KIF1A: variants seen among roughly 807,000 people sequenced by gnomAD.
KIF1A encodes the protein kinesin family member 1A.
A neutral mutation model predicts 227.3 loss-of-function variants in KIF1A; 46 were observed. The ratio of observed to expected loss-of-function variants is 0.20; its 90% CI spans 0.16 to 0.26. KIF1A has a LOEUF of 0.26. KIF1A is among the 10% of genes least tolerant of loss of function. The pLI is 1.00. For synonymous variants in KIF1A, 1,022 were observed against 1,012.8 expected (o/e 1.01, Z -0.17); for missense variants, 1,683 against 2,485.9 (o/e 0.68, Z 6.87).
rs1240998571 is a variant in KIF1A at position 240,775,977 on chromosome 2, C to T, written c.883-51G>A. 9.2e-6 allele frequency: 12 copies of T among 1,299,160 alleles called. No individual in the cohort carries two copies. The highest frequency in any genetic ancestry group is 2.3e-5 in the East Asian group (1 of 43,220). The allele number at this position is 1,299,160 out of a possible 1,614,324, so 80.5% of individuals were successfully genotyped here. A position where few individuals can be genotyped will look rare whatever the true frequency, so the allele number is the denominator to read the frequency against. On this transcript the variant is annotated intron_variant, in intron 10 of 48. Coordinates refer to ENST00000498729, the MANE Select transcript of KIF1A (RefSeq NM_001244008.2). The surrounding 1 kb of genome is among the most constrained non-coding windows in gnomAD (Gnocchi z 5.5). ...AAGCCCGAGCCCACTGCAGAGGAAG[C>T]GAAAGGGAGGGGCCAGCGCAGGCCC...
At chr2:240,807,071 C>CAT (rs144429410) in intron 1 of KIF1A, among the ~76,000 whole-genome samples, 3,374 of 115,428 alleles carry the variant, frequency 0.029, 75 homozygotes, top group African/African-American at 0.08. Context: ...TACACATCCT[C>CAT]ATATATATGT....
chr2:240,757,408 GTCCTCCTCCTCCTCATCCTCC>G lies in KIF1A; in HGVS notation c.2748_2768del (p.Glu916_Glu922del), dbSNP rs1559503589. 3 of 1,533,002 alleles carry G rather than the reference GTCCTCCTCCTCCTCATCCTCC, an allele frequency of 2.0e-6. No individual in the cohort carries two copies. Among genetic ancestry groups the G allele is most frequent in the Admixed American group, 4.0e-5 (2 of 49,570 alleles). 95.0% of individuals were successfully genotyped at this position (1,533,002 alleles called of 1,614,324 possible). A position where few individuals can be genotyped will look rare whatever the true frequency, so the allele number is the denominator to read the frequency against. On this transcript the variant is annotated inframe_deletion, in exon 27 of 49. Coordinates refer to ENST00000498729, the MANE Select transcript of KIF1A (RefSeq NM_001244008.2). This position sits in a 1 kb window ranked among gnomAD's most constrained non-coding sequence, Gnocchi z 6.2. The stretch of plus-strand genomic sequence containing the variant: ...GCTCCGGAAAGACGTCGTCCTCCAG[GTCCTCCTCCTCCTCATCCTCC>G]TCCTCCTCCTCCTCCTCCTCCTCCT...
chr2:240,779,913 G>T (rs543020420), intron 10 of KIF1A, among the ~76,000 whole-genome samples: 2 of 151,628 alleles, frequency 1.3e-5, no homozygotes, highest in Non-Finnish European at 2.9e-5. Flanking sequence ...GCCTCCCCAC[G>T]CCCCACGGTG....
chr2:240,745,928 A>G lies in KIF1A; in HGVS notation c.3203-19T>C, dbSNP rs2048542830. The G allele has an allele frequency of 6.3e-7, 1 of 1,595,982 alleles. No individual in the cohort carries two copies. The highest frequency in any genetic ancestry group is 8.5e-7 in the Non-Finnish European group (1 of 1,169,748). On this transcript the variant is annotated intron_variant, in intron 30 of 48. Transcript: ENST00000498729. ...GGCACTGCTGCTGGGAGTCAAGGAGAGAGTCATGGACCTCCAGGCCATATT... is the reference window on the plus strand; with the variant it reads ...GGCACTGCTGCTGGGAGTCAAGGAGGGAGTCATGGACCTCCAGGCCATATT...
chr2:240,801,260 C>T (rs552254094), intron 1 of KIF1A, among the ~76,000 whole-genome samples: 5 of 149,956 alleles, frequency 3.3e-5, no homozygotes, highest in Non-Finnish European at 7.4e-5. Context: ...GCAAAAAGGA[C>T]AGAGAATATA....
intron 27 of KIF1A, among the ~76,000 whole-genome samples, chr2:240,754,523 C>A (rs1310502658): frequency 2.0e-5 from 3 of 152,226 alleles, no homozygotes; most frequent in African/African-American, 7.2e-5. Context: ...AGAGCCCATG[C>A]CAACCAATGC....
chr2:240,757,399 G>A lies in KIF1A; in HGVS notation c.2778C>T (p.Asp926=), dbSNP rs1455627618. The A allele has an allele frequency of 1.1e-5, 17 of 1,546,828 alleles. No homozygotes were observed. The highest frequency in any genetic ancestry group is 1.5e-5 in the Non-Finnish European group (17 of 1,146,466). ...EEDEEEEDLE[D]DVFPEHALCD... is the part of the protein sequence containing the mutation. ...ACAGCGCGTGCTCCGGAAAGACGTCGTCCTCCAGGTCCTCCTCCTCCTCAT... is the reference window on the plus strand; with the variant it reads ...ACAGCGCGTGCTCCGGAAAGACGTCATCCTCCAGGTCCTCCTCCTCCTCAT... Residue 926 remains aspartate (D), a synonymous_variant, in exon 27 of 49, where the codon GAC becomes GAT. Coordinates refer to ENST00000498729, the MANE Select transcript of KIF1A (RefSeq NM_001244008.2). This position sits in a 1 kb window ranked among gnomAD's most constrained non-coding sequence, Gnocchi z 6.2.
In KIF1A at chr2:240,778,168, C is replaced by T. The variant is rs564376660; in HGVS notation, c.883-2242G>A. ...CAGGAAAACGGCAGTCACTCGAATGCGGACCCCACCCACGGGATGGCTGCC... is the reference window on the plus strand; with the variant it reads ...CAGGAAAACGGCAGTCACTCGAATGTGGACCCCACCCACGGGATGGCTGCC... On this transcript the variant is annotated intron_variant, in intron 10 of 48. Transcript: ENST00000498729. This position sits in a 1 kb window ranked among gnomAD's most constrained non-coding sequence, Gnocchi z 7.2. 3.9e-5 allele frequency among the ~76,000 whole-genome samples: 6 copies of T among 152,216 alleles called. No homozygotes were observed. In the South Asian group the frequency reaches 8.3e-4, roughly 21 times the overall value.
intron 18 of KIF1A, 68 bp from the exon 19 acceptor site, chr2:240,767,089 C>T: frequency 1.5e-6 from 2 of 1,295,948 alleles, no homozygotes; most frequent in South Asian, 1.3e-5. Flanking sequence ...ACCCACTGGC[C>T]TCCAGGGACG....
In KIF1A at chr2:240,739,043, T is replaced by C. The variant is rs140960986; in HGVS notation, c.3901+1015A>G. Reference sequence around the variant, plus strand: ...CTGAAAGGAGGGTTTGGGTGCTTGTTCCATGACTTTCTGATTCATGTGAAA... The same window carrying C: ...CTGAAAGGAGGGTTTGGGTGCTTGTCCCATGACTTTCTGATTCATGTGAAA... On this transcript the variant is annotated intron_variant, in intron 37 of 48. Transcript: ENST00000498729. This position sits in a 1 kb window ranked among gnomAD's most constrained non-coding sequence, Gnocchi z 5.6. Among the ~76,000 whole-genome samples the C allele has an allele frequency of 5.0e-4, 76 of 152,380 alleles. No homozygotes were observed. The highest frequency in any genetic ancestry group is 1.8e-3 in the African/African-American group (73 of 41,586).
intron 29 of KIF1A, 80 bp from the exon 30 acceptor site, chr2:240,746,257 G>A (rs1031753647): frequency 3.5e-5 from 53 of 1,497,808 alleles, no homozygotes; most frequent in South Asian, 7.4e-5. Context: ...ACAGGCCCAC[G>A]GGAGGGCTGT....
intron 38 of KIF1A, among the ~76,000 whole-genome samples, chr2:240,735,686 G>A (rs918085706): frequency 5.9e-5 from 9 of 152,082 alleles, no homozygotes; most frequent in African/African-American, 1.9e-4. Flanking sequence ...TGCAGGCAGC[G>A]CCCGTGCTGG....
chr2:240,812,408 C>G (rs569257421), intron 1 of KIF1A, among the ~76,000 whole-genome samples: 24 of 152,350 alleles, frequency 1.6e-4, no homozygotes, highest in African/African-American at 4.8e-4. Flanking sequence ...TGCTGCAGAG[C>G]ATCGCACAGG....
At position 240,726,666 on chromosome 2, in the gene KIF1A, A is replaced by AGTTTTT. The variant is rs1028766168; in HGVS notation, c.4122+154_4122+159dup. On this transcript the variant is annotated intron_variant, in intron 39 of 48. Coordinates refer to ENST00000498729, the MANE Select transcript of KIF1A (RefSeq NM_001244008.2). The surrounding 1 kb of genome is among the most constrained non-coding windows in gnomAD (Gnocchi z 5.2). Reference sequence around the variant, plus strand: ...ATTTATGGATTCAACCTTGCAGTCCAGTTTTTGTTTTTGTTTTTTAAAAGG... The same window carrying AGTTTTT: ...ATTTATGGATTCAACCTTGCAGTCCAGTTTTTGTTTTTGTTTTTGTTTTTTAAAAGG... Among the ~76,000 whole-genome samples, 2 of 152,120 alleles carry AGTTTTT rather than the reference A, an allele frequency of 1.3e-5. No individual in the cohort carries two copies. Among genetic ancestry groups the AGTTTTT allele is most frequent in the Non-Finnish European group, 2.9e-5 (2 of 68,010 alleles).
rs1272474611 is a variant in KIF1A, at chr2:240,772,550, G to A, written c.1207+20C>T. ...GGGGCTGGAAGCAGAGATGCAGAGA[G>A]CAGCAAAGGGAATACACACATTTGG... is the stretch of plus-strand genomic sequence containing the variant. On this transcript the variant is annotated intron_variant, in intron 14 of 48. Coordinates refer to ENST00000498729, the MANE Select transcript of KIF1A (RefSeq NM_001244008.2). 1.3e-6 allele frequency: 2 copies of A among 1,546,786 alleles called. No homozygotes were observed. Among genetic ancestry groups the A allele is most frequent in the East Asian group, 4.9e-5 (2 of 40,896 alleles).
In KIF1A at chr2:240,788,053, G is replaced by T. The variant is rs1318848388; in HGVS notation, c.361C>A (p.Gln121Lys). The change falls in exon 4 of 49, where the codon CAG becomes AAG. Residue 121 changes from glutamine to lysine, a missense_variant and splice_region_variant. This residue lies in a region of KIF1A where 75 missense variants were observed against 131.2 expected (regional missense o/e 0.57). Coordinates refer to ENST00000498729, the MANE Select transcript of KIF1A (RefSeq NM_001244008.2). The surrounding 1 kb of genome is among the most constrained non-coding windows in gnomAD (Gnocchi z 6.6). ...CCCGCCCGCCCCCCGCTTCGTGCCT[G>T]TGGGATGATGCCCTGCTGGTCCTTC... The part of the protein sequence containing the change: ...QEKDQQGIIP[Q>K]LCEDLFSRIN... 1.3e-6 allele frequency: 2 copies of T among 1,553,000 alleles called. No homozygotes were observed. Among genetic ancestry groups the T allele is most frequent in the East Asian group, 2.4e-5 (1 of 41,684 alleles).
chr2:240,780,806 A>ACACACACACACACACACACAGCTC (rs1559522449), intron 10 of KIF1A, among the ~76,000 whole-genome samples: 6 of 87,082 alleles, frequency 6.9e-5, no homozygotes, highest in African/African-American at 1.5e-4. Context: ...CTCCACACAC[A>ACACACACACACACACACACAGCTC]CACACACACA....
intron 1 of KIF1A, among the ~76,000 whole-genome samples, chr2:240,814,307 G>T (rs186983510): frequency 2.7e-3 from 408 of 152,130 alleles, no homozygotes; most frequent in African/African-American, 9.1e-3. Context: ...AAGACGAGTT[G>T]CCAACAAAGC....
In KIF1A at chr2:240,757,677, G is replaced by A. The variant is rs1322875746; in HGVS notation, c.2583-83C>T. The A allele has an allele frequency of 2.8e-6, 4 of 1,426,406 alleles. No individual in the cohort carries two copies. Among genetic ancestry groups the A allele is most frequent in the South Asian group, 1.4e-5 (1 of 71,724 alleles). 88.4% of individuals were successfully genotyped at this position (1,426,406 alleles called of 1,614,324 possible). A position where few individuals can be genotyped will look rare whatever the true frequency, so the allele number is the denominator to read the frequency against. On this transcript the variant is annotated intron_variant, in intron 26 of 48. Coordinates refer to ENST00000498729, the MANE Select transcript of KIF1A (RefSeq NM_001244008.2). The surrounding 1 kb of genome is among the most constrained non-coding windows in gnomAD (Gnocchi z 6.2). ...CAGGGGCCGGGGCCGGGGCTGGGGG[G>A]CTTCTGTTTAAAACCAAAACCAAAC...
Sources: gnomAD v4.1 joint callset for allele counts (sites outside exome capture counted in the v4.1 genomes callset) on GRCh38, gnomAD v4.1.1 for gene constraint, gnomAD v4.1.1 regional missense constraint, Gnocchi (gnomAD v3.1) non-coding constraint, MANE v1.5 for transcripts, NCBI Gene and HGNC (gene_info 2026-07-23, HGNC 2026-07-21) for gene names.